The following NIPBL variants were observed in gnomAD, a reference collection of about 807,000 sequenced individuals.
The protein encoded by NIPBL is nipped-B-like protein.
NIPBL carries 19 observed loss-of-function variants against 321.8 expected under a neutral mutation model. The ratio of observed to expected loss-of-function variants is 0.06; its 90% CI spans 0.04 to 0.09. The LOEUF (loss-of-function observed/expected upper bound fraction) is 0.09. Ranked by LOEUF, NIPBL falls within the 10% of genes least tolerant of loss-of-function variation. NIPBL has a pLI of 1.00. For missense variants in NIPBL, 2,210 were observed against 3,327.0 expected (o/e 0.66, Z 8.26); for synonymous variants, 1,106 against 1,114.1 (o/e 0.99, Z 0.14).
At chr5:36,900,761 A>C (rs1280720730) in intron 1 of NIPBL, among the ~76,000 whole-genome samples, 1 of 151,936 alleles carries the variant, frequency 6.6e-6, no homozygotes, top group Admixed American at 6.6e-5. Flanking sequence ...TTCTGGAGGG[A>C]ATCCATACCA....
chr5:36,984,611 AG>A, intron 9 of NIPBL, 64 bp from the exon 10 acceptor site: 5 of 1,425,216 alleles, frequency 3.5e-6, no homozygotes, highest in Non-Finnish European at 4.8e-6. Flanking sequence ...CAACGTCCAT[AG>A]GGTTTTTAAT....
rs760767956 is a variant in NIPBL, at chr5:37,020,698, T to G, written c.5225+25T>G. 3 of 1,598,422 alleles carry G rather than the reference T, an allele frequency of 1.9e-6. No individual in the cohort carries two copies. The Admixed American group carries it at 5.0e-5, about 27-fold the overall frequency. ...AGTAAGATCCAAGGAGAAAACAGTTTACATTTATCTCCTTGATATCTATTT... is the reference window on the plus strand; with the variant it reads ...AGTAAGATCCAAGGAGAAAACAGTTGACATTTATCTCCTTGATATCTATTT... On this transcript the variant is annotated intron_variant, in intron 26 of 46. Transcript: ENST00000282516.
At chr5:36,964,969 A>G (rs1172270443) in intron 6 of NIPBL, among the ~76,000 whole-genome samples, 2 of 152,196 alleles carry the variant, frequency 1.3e-5, no homozygotes, top group Non-Finnish European at 2.9e-5. Flanking sequence ...AACAAAAAGC[A>G]CAGTGAAATA....
intron 29 of NIPBL, among the ~76,000 whole-genome samples, chr5:37,023,042 C>CAA (rs1323503480): frequency 2.6e-5 from 4 of 152,194 alleles, no homozygotes; most frequent in African/African-American, 9.6e-5. Flanking sequence ...TTGTAGAACT[C>CAA]AACATAGATG....
intron 46 of NIPBL, 93 bp from the exon 47 acceptor site, chr5:37,064,434 G>C (rs533451646): frequency 1.9e-6 from 3 of 1,579,660 alleles, no homozygotes; most frequent in Admixed American, 1.7e-5. Context: ...CCCAACTCCC[G>C]GCGTCAAGGG....
At chr5:36,920,890 T>TTGCTCCTC (rs1748886248) in intron 1 of NIPBL, among the ~76,000 whole-genome samples, 1 of 151,970 alleles carries the variant, frequency 6.6e-6, no homozygotes, top group Non-Finnish European at 1.5e-5. Context: ...ATTGCTGCTA[T>TTGCTCCTC]AGTTGTCACT....
chr5:37,009,961 A>G (rs527613982), intron 20 of NIPBL, 126 bp from the exon 21 acceptor site: 3 of 736,780 alleles, frequency 4.1e-6, no homozygotes, highest in Non-Finnish European at 7.1e-6. Flanking sequence ...ACATAAGAAC[A>G]CAATAAGCAC....
rs1272901672 is a variant in NIPBL, at chr5:37,041,533, G to T, written c.6108+2795G>T. On this transcript the variant is annotated intron_variant, in intron 34 of 46. Coordinates refer to ENST00000282516, the MANE Select transcript of NIPBL (RefSeq NM_133433.4). ...CCCCGCCTTGGCCTCCCAAAGTACT[G>T]GGATTACAGGCATGAGCCACTGTGC... 2.0e-5 allele frequency among the ~76,000 whole-genome samples: 3 copies of T among 151,570 alleles called. No individual in the cohort carries two copies. The East Asian group carries it at 5.8e-4, about 29-fold the overall frequency.
chr5:36,890,959 G>A (rs1301306593), intron 1 of NIPBL, among the ~76,000 whole-genome samples: 1 of 152,082 alleles, frequency 6.6e-6, no homozygotes. Context: ...TTAAGGCATT[G>A]CAGATGGTGA....
intron 21 of NIPBL, among the ~76,000 whole-genome samples, chr5:37,014,264 G>A (rs1302705192): frequency 6.7e-6 from 1 of 148,864 alleles, no homozygotes; most frequent in Non-Finnish European, 1.5e-5. Flanking sequence ...GAGGGAGGGA[G>A]AGCTTAATCT....
intron 1 of NIPBL, among the ~76,000 whole-genome samples, chr5:36,908,916 A>G (rs1010493019): frequency 1.3e-5 from 2 of 152,246 alleles, no homozygotes; most frequent in Non-Finnish European, 2.9e-5. Context: ...ATAACATTTA[A>G]TATTGCAAAT....
chr5:36,936,936 T>C (rs1434275800), intron 1 of NIPBL, among the ~76,000 whole-genome samples: 1 of 152,136 alleles, frequency 6.6e-6, no homozygotes, highest in Non-Finnish European at 1.5e-5. Context: ...ATATAGGCTA[T>C]GTATTGCCTA....
At chr5:36,983,456 C>T (rs952283076) in intron 9 of NIPBL, among the ~76,000 whole-genome samples, 1 of 152,010 alleles carries the variant, frequency 6.6e-6, no homozygotes, top group East Asian at 1.9e-4. Flanking sequence ...AAAATCACAA[C>T]TTGGTTCTCT....
intron 1 of NIPBL, among the ~76,000 whole-genome samples, chr5:36,884,941 G>A (rs954967479): frequency 2.6e-5 from 4 of 152,140 alleles, no homozygotes; most frequent in African/African-American, 9.7e-5. Flanking sequence ...TGAGGATCGT[G>A]AAGTACAGGA....
At chr5:36,961,639 T>C in intron 5 of NIPBL, 56 bp downstream of exon 5, 2 of 1,057,664 alleles carry the variant, frequency 1.9e-6, no homozygotes, top group Non-Finnish European at 3.0e-6. Flanking sequence ...AATATGCTGG[T>C]GAATATATGG....
intron 23 of NIPBL, 23 bp downstream of exon 23, chr5:37,016,193 T>G: frequency 6.2e-7 from 1 of 1,608,850 alleles, no homozygotes; most frequent in Middle Eastern, 1.7e-4. Flanking sequence ...CATTTAAAGA[T>G]TATTAGATTA....
intron 1 of NIPBL, among the ~76,000 whole-genome samples, chr5:36,891,526 G>A (rs996434555): frequency 7.9e-5 from 12 of 152,114 alleles, no homozygotes; most frequent in African/African-American, 2.7e-4. Context: ...TAGTCATACT[G>A]TGGAGTCTGG....
At chr5:36,995,570 C>G in intron 10 of NIPBL, 52 bp from the exon 11 acceptor site, 1 of 1,272,782 alleles carries the variant, frequency 7.9e-7, no homozygotes, top group South Asian at 1.3e-5. Context: ...TTAAAATTTT[C>G]CTTTTATCTT....
chr5:37,028,094 A>G (rs957051337), intron 32 of NIPBL, among the ~76,000 whole-genome samples: 1 of 152,070 alleles, frequency 6.6e-6, no homozygotes, highest in African/African-American at 2.4e-5. Flanking sequence ...TTATGCATAG[A>G]ATTTCCTTTA....
Sources: allele counts gnomAD v4.1 joint callset (sites outside exome capture counted in the v4.1 genomes callset), GRCh38; gene constraint gnomAD v4.1.1; transcripts MANE v1.5; gene names NCBI Gene and HGNC (gene_info 2026-07-23, HGNC 2026-07-21).